PIGN: variants seen among roughly 807,000 people sequenced by gnomAD.
PIGN encodes GPI ethanolamine phosphate transferase 1.
PIGN carries 117 observed loss-of-function variants against 125.4 expected under a neutral mutation model. The observed-to-expected ratio is 0.93, with a 90% CI of 0.80 to 1.09. PIGN has a LOEUF of 1.09. Among genes scored for constraint, PIGN ranks in the 50% least tolerant of loss-of-function variants. The probability of loss-of-function intolerance (pLI) is 0.00; values close to 1 mark genes in which losing one functional copy is unlikely to be tolerated. For synonymous variants in PIGN, 392 were observed against 377.8 expected (o/e 1.04, Z -0.44); for missense variants, 1,075 against 1,094.9 (o/e 0.98, Z 0.26).
intron 7 of PIGN, chr18:62,154,292 A>G: frequency 2.1e-6 from 1 of 478,766 alleles, no homozygotes; most frequent in Non-Finnish European, 3.6e-6. Flanking sequence ...GATGAATCAC[A>G]AACTAGAAAC....
intron 30 of PIGN, among the ~76,000 whole-genome samples, chr18:62,054,058 A>G (rs775172053): frequency 5.9e-5 from 9 of 152,254 alleles, no homozygotes; most frequent in Admixed American, 3.3e-4. Flanking sequence ...ATGAAAATAA[A>G]AAACCAACAC....
chr18:62,036,418 T>G (rs1396663791), downstream of PIGN, among the ~76,000 whole-genome samples: 1 of 152,172 alleles, frequency 6.6e-6, no homozygotes, highest in Non-Finnish European at 1.5e-5. Flanking sequence ...GGCATATTTC[T>G]GACAAACAAA....
At chr18:62,182,214 A>G (rs555018548) in intron 1 of PIGN, among the ~76,000 whole-genome samples, 4 of 152,320 alleles carry the variant, frequency 2.6e-5, no homozygotes, top group African/African-American at 7.2e-5. Flanking sequence ...AAGTTTCATC[A>G]TATCTGTGGC....
intron 14 of PIGN, among the ~76,000 whole-genome samples, chr18:62,117,809 C>T (rs2035145548): frequency 6.6e-6 from 1 of 152,102 alleles, no homozygotes. Flanking sequence ...TGAGTGAGAA[C>T]ATGTAAAATT....
In PIGN at chr18:62,173,270, G is replaced by C. The variant is rs903864290; in HGVS notation, c.-235-9614C>G. 2.0e-5 allele frequency among the ~76,000 whole-genome samples: 3 copies of C among 152,144 alleles called. No homozygotes were observed. The East Asian group carries it at 5.8e-4, about 29-fold the overall frequency. Reference sequence around the variant, plus strand: ...GTGTCTATTCTGTTTATTTATTTTTGAGACAGTAGCCTCACTCTGCCACCC... The same window carrying C: ...GTGTCTATTCTGTTTATTTATTTTTCAGACAGTAGCCTCACTCTGCCACCC... On this transcript the variant is annotated intron_variant, in intron 1 of 30. Transcript: ENST00000640252.
rs556154039 is a variant in PIGN at position 62,162,339 on chromosome 18, G to A, written c.-109-10C>T. On this transcript the variant is annotated splice_polypyrimidine_tract_variant and intron_variant, in intron 2 of 30. Coordinates refer to ENST00000640252, the MANE Select transcript of PIGN (RefSeq NM_176787.5). Reference sequence around the variant, plus strand: ...TATTGTTGGTGAATCTCTGCAGATCGAGGAGAAAAAAAAAAGTATTGGAAC... The same window carrying A: ...TATTGTTGGTGAATCTCTGCAGATCAAGGAGAAAAAAAAAAGTATTGGAAC... 5.9e-5 allele frequency: 9 copies of A among 151,792 alleles called. No homozygotes were observed. In the East Asian group the frequency reaches 1.2e-3, roughly 20 times the overall value. The allele number at this position is 151,792 out of a possible 1,614,324, so 9.4% of individuals were successfully genotyped here.
At chr18:62,156,740 T>C (rs2036749156) in intron 6 of PIGN, among the ~76,000 whole-genome samples, 1 of 152,214 alleles carries the variant, frequency 6.6e-6, no homozygotes, top group Non-Finnish European at 1.5e-5. Flanking sequence ...TGAAAAGTGC[T>C]ATGCTAAATA....
intron 1 of PIGN, among the ~76,000 whole-genome samples, chr18:62,167,220 T>C (rs1485718806): frequency 3.4e-5 from 5 of 147,040 alleles, no homozygotes; most frequent in African/African-American, 7.4e-5. Flanking sequence ...TATGTATATA[T>C]ATAAAATCTC....
rs150427450 is a variant in PIGN at position 62,177,610 on chromosome 18, G to T, written c.-236+9234C>A. 7.1e-3 allele frequency among the ~76,000 whole-genome samples: 1,083 copies of T among 152,082 alleles called. 13 individuals carry two copies. Among genetic ancestry groups the T allele is most frequent in the African/African-American group, 0.025 (1,034 of 41,490 alleles). On this transcript the variant is annotated intron_variant, in intron 1 of 30. Coordinates refer to ENST00000640252, the MANE Select transcript of PIGN (RefSeq NM_176787.5). ...ATATGCTTTTTTGTAACTTTCTGTT[G>T]AAATTTATATTTCGAATATTATAAT... is the stretch of plus-strand genomic sequence containing the variant.
rs374704368 is a variant in PIGN, at chr18:62,157,746, C to G, written c.284G>C (p.Arg95Pro). Reference sequence around the variant, plus strand: ...AGCTATCAGAGCTACATGACCTGGCCGAGATTCTGTTGGCACACGTGTATG... The same window carrying G: ...AGCTATCAGAGCTACATGACCTGGCGGAGATTCTGTTGGCACACGTGTATG... ...ISHTRVPTES[R>P]PGHVALIAGF... Residue 95 changes from arginine (R) to proline (P), a missense_variant, in exon 5 of 31, where the codon CGG (arginine) becomes CCG (proline). By Grantham distance (103) the Arg-to-Pro change is moderately radical. Transcript: ENST00000640252. The G allele has an allele frequency of 1.2e-6, 2 of 1,612,394 alleles. No individual in the cohort carries two copies. The highest frequency in any genetic ancestry group is 1.3e-5 in the African/African-American group (1 of 74,888).
At chr18:62,143,230 C>G (rs2036199736) in intron 11 of PIGN, 76 bp downstream of exon 11, 1 of 763,882 alleles carries the variant, frequency 1.3e-6, no homozygotes, top group African/African-American at 1.8e-5. Context: ...AATATTATCT[C>G]TTTTTCATAG....
chr18:62,035,211 C>A (rs1052345799), intron 23 of PIGN, among the ~76,000 whole-genome samples: 1 of 152,138 alleles, frequency 6.6e-6, no homozygotes, highest in Non-Finnish European at 1.5e-5. Flanking sequence ...ACTGTAAGTC[C>A]ATTAAATCTC....
chr18:62,087,924 G>T (rs2033781062), intron 25 of PIGN, among the ~76,000 whole-genome samples: 4 of 152,164 alleles, frequency 2.6e-5, no homozygotes. Flanking sequence ...GATGAATAAG[G>T]TCTGGAGATT....
chr18:62,053,205 T>G (rs1568120236), intron 30 of PIGN, among the ~76,000 whole-genome samples: 1 of 152,216 alleles, frequency 6.6e-6, no homozygotes, highest in Non-Finnish European at 1.5e-5. Context: ...GAGGTAAGGT[T>G]TCCATATATT....
intron 14 of PIGN, among the ~76,000 whole-genome samples, chr18:62,126,289 C>T (rs2146897831): frequency 6.6e-6 from 1 of 152,176 alleles, no homozygotes; most frequent in Non-Finnish European, 1.5e-5. Flanking sequence ...TTTCTACATT[C>T]TGCCAGATAA....
intron 30 of PIGN, among the ~76,000 whole-genome samples, chr18:62,068,811 C>A (rs1388755776): frequency 6.6e-6 from 1 of 152,206 alleles, no homozygotes; most frequent in Non-Finnish European, 1.5e-5. Context: ...TCTCACTCTA[C>A]ACATTCTCCC....
At position 62,090,481 on chromosome 18, in the gene PIGN, G is replaced by A; in HGVS notation, c.2278C>T (p.Gln760Ter). ...AAATGACTTTGACCAGCTACCTTTT[G>A]TTTACAGCAAACACCAGATTGTTGT... is the stretch of plus-strand genomic sequence containing the variant. ...TLQQSGVCCK[Q>*]KLTSIQFSYN... The change falls in exon 24 of 31, where the codon CAA becomes TAA. Residue 760 changes from glutamine (Q) to a stop codon, truncating the protein, a stop_gained. Transcript: ENST00000640252. LOFTEE classifies it high-confidence loss of function. The A allele has an allele frequency of 1.9e-6, 3 of 1,594,812 alleles. No homozygotes were observed. Among genetic ancestry groups the A allele is most frequent in the Non-Finnish European group, 2.6e-6 (3 of 1,166,498 alleles).
chr18:62,143,488 G>T lies in PIGN; in HGVS notation c.923-142C>A, dbSNP rs573613672. 3.6e-4 allele frequency: 195 copies of T among 542,494 alleles called. 2 individuals are homozygous for T. The highest frequency in any genetic ancestry group is 3.6e-3 in the African/African-American group (180 of 50,240). 33.6% of individuals were successfully genotyped at this position (542,494 alleles called of 1,614,324 possible). ...TAAGCCAAGTATGAATAAAAATCAT[G>T]CTTAAAGGCAAAGGTGTATTTTTTT... On this transcript the variant is annotated intron_variant, in intron 10 of 30. Coordinates refer to ENST00000640252, the MANE Select transcript of PIGN (RefSeq NM_176787.5).
rs547288473 is a variant in PIGN at position 62,148,032 on chromosome 18, C to T, written c.674+182G>A. Among the ~76,000 whole-genome samples, 63 of 152,088 alleles carry T rather than the reference C, an allele frequency of 4.1e-4. 2 individuals carry two copies. Among genetic ancestry groups the T allele is most frequent in the Non-Finnish European group, 2.4e-4 (16 of 67,924 alleles). ...CTTATATTAATGTGCCATCTGGATA[C>T]AGCACATATGATTTAAACGACTATA... On this transcript the variant is annotated intron_variant, in intron 8 of 30. Coordinates refer to ENST00000640252, the MANE Select transcript of PIGN (RefSeq NM_176787.5).
Sources: allele counts gnomAD v4.1 joint callset (sites outside exome capture counted in the v4.1 genomes callset), GRCh38; gene constraint gnomAD v4.1.1; transcripts MANE v1.5; gene names NCBI Gene and HGNC (gene_info 2026-07-23, HGNC 2026-07-21).